The following PCDHA6 variants were observed in gnomAD, a reference collection of about 807,000 sequenced individuals.
PCDHA6 encodes protocadherin alpha-6.
A neutral mutation model predicts 60.3 loss-of-function variants in PCDHA6; 55 were observed. The ratio of observed to expected loss-of-function variants is 0.91; its 90% CI spans 0.73 to 1.14. The LOEUF is 1.14. Ranked by LOEUF, PCDHA6 falls within the 50% of genes most tolerant of loss-of-function variation. The pLI, the probability that PCDHA6 is intolerant of heterozygous loss-of-function variation, is 0.00. For missense variants in PCDHA6, 1,327 were observed against 1,256.5 expected (o/e 1.06, Z -0.85); for synonymous variants, 652 against 557.9 (o/e 1.17, Z -2.38).
chr5:140,916,174 C>A (rs2077467805), intron 1 of PCDHA6, among the ~76,000 whole-genome samples: 1 of 152,124 alleles, frequency 6.6e-6, no homozygotes, highest in Non-Finnish European at 1.5e-5. Flanking sequence ...AGGCCTGGGA[C>A]TCTTCAAGGA....
rs1254139233 is a variant in PCDHA6 at position 140,846,802 on chromosome 5, C to T, written c.2394+16317C>T. On this transcript the variant is annotated intron_variant, in intron 1 of 3. Transcript: ENST00000529310. Reference sequence around the variant, plus strand: ...ATTATTACTGAGCCCCAGCCCCTGGCTTTAAAATTTGAGGTCAAATAAAGA... The same window carrying T: ...ATTATTACTGAGCCCCAGCCCCTGGTTTTAAAATTTGAGGTCAAATAAAGA... Among the ~76,000 whole-genome samples the T allele has an allele frequency of 4.7e-5, 7 of 149,432 alleles. 1 individual carries two copies. The highest frequency in any genetic ancestry group is 1.7e-4 in the African/African-American group (7 of 40,714).
At position 140,978,970 on chromosome 5, in the gene PCDHA6, T is replaced by A; in HGVS notation, c.2416T>A (p.Trp806Arg). The change falls in exon 2 of 4, where the codon TGG (tryptophan) becomes AGG (arginine). Residue 806 changes from tryptophan to arginine, a missense_variant. Coordinates refer to ENST00000529310, the MANE Select transcript of PCDHA6 (RefSeq NM_018909.4). ...DAKPRQPNPD[W>R]RYSASLRAGM... is the part of the protein sequence containing the mutation. Reference sequence around the variant, plus strand: ...GCAGCCACGACAGCCCAACCCTGACTGGCGTTACTCTGCCTCCCTGAGAGC... The same window carrying A: ...GCAGCCACGACAGCCCAACCCTGACAGGCGTTACTCTGCCTCCCTGAGAGC... 6.2e-7 allele frequency: 1 copy of A among 1,614,216 alleles called. No homozygotes were observed. Among genetic ancestry groups the A allele is most frequent in the Admixed American group, 1.7e-5 (1 of 60,030 alleles).
intron 3 of PCDHA6, among the ~76,000 whole-genome samples, chr5:141,004,307 A>G (rs924420604): frequency 6.6e-6 from 1 of 152,224 alleles, no homozygotes; most frequent in Admixed American, 6.5e-5. Context: ...TTTGTTTTAT[A>G]CAACAACCAG....
At chr5:140,902,986 T>C (rs569244845) in intron 1 of PCDHA6, among the ~76,000 whole-genome samples, 1 of 152,346 alleles carries the variant, frequency 6.6e-6, no homozygotes, top group East Asian at 1.9e-4. Flanking sequence ...GTTGGTTCCA[T>C]ATTTTTGCAA....
chr5:140,927,191 T>TG, intron 1 of PCDHA6: 1 of 1,614,144 alleles, frequency 6.2e-7, no homozygotes, highest in East Asian at 2.2e-5. Flanking sequence ...TACGACCTGG[T>TG]GCTCGAGGAC....
chr5:140,858,282 G>A (rs782040852), intron 1 of PCDHA6: 1 of 1,597,598 alleles, frequency 6.3e-7, no homozygotes, highest in Admixed American at 1.7e-5. Context: ...GCGGTGGGGA[G>A]CTGGTCTTAC....
rs1554143112 is a variant in PCDHA6 at position 140,849,624 on chromosome 5, C to G, written c.2394+19139C>G. ...TATTGCCCTGATTAGTGTGATCGAC[C>G]TAGACGCAGATGCCAACGGGCAGGT... is the stretch of plus-strand genomic sequence containing the variant. On this transcript the variant is annotated intron_variant, in intron 1 of 3. Transcript: ENST00000529310. 3.1e-6 allele frequency: 5 copies of G among 1,598,656 alleles called. No individual in the cohort carries two copies. The African/African-American group carries it at 6.7e-5, about 21-fold the overall frequency.
intron 3 of PCDHA6, among the ~76,000 whole-genome samples, chr5:140,985,373 C>G (rs1228293287): frequency 6.6e-6 from 1 of 152,106 alleles, no homozygotes. Flanking sequence ...TTATCTGGGT[C>G]TATATAATCC....
intron 1 of PCDHA6, chr5:140,857,805 C>CG: frequency 6.3e-7 from 1 of 1,597,714 alleles, no homozygotes; most frequent in Non-Finnish European, 8.6e-7. Context: ...TCGGTGGTTG[C>CG]GGGTCACGTG....
Position 140,850,752 on chromosome 5 carries a change from C to G in PCDHA6, c.2394+20267C>G. On this transcript the variant is annotated intron_variant, in intron 1 of 3. Transcript: ENST00000529310. ...GGTGGGGAGTTGGTCGTACTCGCAG[C>G]AGAGGAGGCAGAGGGTGTGCTCTGG... is the stretch of plus-strand genomic sequence containing the variant. The G allele has an allele frequency of 1.3e-6, 2 of 1,597,900 alleles. 1 individual carries two copies. Among genetic ancestry groups the G allele is most frequent in the Non-Finnish European group, 1.7e-6 (2 of 1,167,560 alleles).
At chr5:140,870,771 C>G (rs370490786) in intron 1 of PCDHA6, 13 of 1,613,466 alleles carry the variant, frequency 8.1e-6, no homozygotes, top group Non-Finnish European at 1.1e-5. Context: ...TCGTGCTGGA[C>G]GAGAACGACA....
intron 1 of PCDHA6, 73 bp from the exon 2 acceptor site, chr5:140,978,876 A>G: frequency 6.2e-7 from 1 of 1,609,510 alleles, no homozygotes; most frequent in Non-Finnish European, 8.5e-7. Flanking sequence ...GGGAGTAACT[A>G]ATCAATTAGC....
chr5:140,841,432 G>A (rs1365563680), intron 1 of PCDHA6: 5 of 1,612,878 alleles, frequency 3.1e-6, no homozygotes, highest in African/African-American at 1.3e-5. Flanking sequence ...CCGTCCCCGA[G>A]GAGGCCAAAC....
chr5:140,952,852 G>A (rs887887464), intron 1 of PCDHA6, among the ~76,000 whole-genome samples: 2 of 152,068 alleles, frequency 1.3e-5, no homozygotes, highest in Non-Finnish European at 2.9e-5. Context: ...TTGTCTTCTG[G>A]GGAGGCCTCA....
rs782212623 is a variant in PCDHA6 at position 140,927,250 on chromosome 5, A to G, written c.2395-51699A>G. On this transcript the variant is annotated intron_variant, in intron 1 of 3. Coordinates refer to ENST00000529310, the MANE Select transcript of PCDHA6 (RefSeq NM_018909.4). ...GATTCACGTCCTGGACACCAATGACAACTCACCTCTCTTTCCTGCCGGCGA... is the reference window on the plus strand; with the variant it reads ...GATTCACGTCCTGGACACCAATGACGACTCACCTCTCTTTCCTGCCGGCGA... 1.9e-6 allele frequency: 3 copies of G among 1,614,046 alleles called. 1 individual carries two copies. The highest frequency in any genetic ancestry group is 2.5e-6 in the Non-Finnish European group (3 of 1,180,004).
rs782026526 is a variant in PCDHA6, at chr5:140,857,844, ACT to A, written c.2394+27362_2394+27363del. The stretch of plus-strand genomic sequence containing the variant: ...GCTAAGGTGCGCGCAGTGGACGCTG[ACT>A]CTGGATACAACGCGTGGCTGTCGTA... On this transcript the variant is annotated intron_variant, in intron 1 of 3. Transcript: ENST00000529310. 1.0e-5 allele frequency: 16 copies of A among 1,596,614 alleles called. No homozygotes were observed. In the Admixed American group the frequency reaches 1.2e-4, roughly 12 times the overall value.
chr5:140,836,376 G>A, intron 1 of PCDHA6: 3 of 1,613,760 alleles, frequency 1.9e-6, no homozygotes, highest in South Asian at 1.1e-5. Context: ...CACAGCCACC[G>A]TGCTGGTGTC....
intron 1 of PCDHA6, among the ~76,000 whole-genome samples, chr5:140,910,213 G>A (rs1375224674): frequency 6.6e-6 from 1 of 152,170 alleles, no homozygotes; most frequent in South Asian, 2.1e-4. Context: ...TGACCTGGAA[G>A]TTTTCTGCTT....
chr5:140,839,021 A>G (rs1403087386), intron 1 of PCDHA6, among the ~76,000 whole-genome samples: 1 of 152,058 alleles, frequency 6.6e-6, no homozygotes, highest in East Asian at 1.9e-4. Flanking sequence ...TTATTTTAGG[A>G]TATGTTACTG....
Sources: gnomAD v4.1 joint callset for allele counts (sites outside exome capture counted in the v4.1 genomes callset) on GRCh38, gnomAD v4.1.1 for gene constraint, MANE v1.5 for transcripts, NCBI Gene and HGNC (gene_info 2026-07-23, HGNC 2026-07-21) for gene names.